The following ZNF462 variants were observed in gnomAD, a reference collection of about 807,000 sequenced individuals.
ZNF462 encodes the protein zinc finger protein 462.
ZNF462 carries 10 observed loss-of-function variants against 201.9 expected under a neutral mutation model. The ratio of observed to expected loss-of-function variants is 0.05; its 90% CI spans 0.03 to 0.08. ZNF462 has a LOEUF of 0.08. ZNF462 is among the 10% of genes least tolerant of loss of function. ZNF462 has a pLI of 1.00. For missense variants in ZNF462, 2,523 were observed against 3,168.3 expected, an observed-to-expected ratio of 0.80 and a Z score of 4.89; for synonymous variants, 1,227 against 1,193.3, an observed-to-expected ratio of 1.03 and a Z score of -0.58.
rs1829330632 is a variant in ZNF462, at chr9:107,003,300, C to T, written c.7063C>T (p.Arg2355Cys). 1 of 1,613,186 alleles carries T rather than the reference C, an allele frequency of 6.2e-7. No homozygotes were observed. Among genetic ancestry groups the T allele is most frequent in the Non-Finnish European group, 8.5e-7 (1 of 1,179,634 alleles). Residue 2355 changes from arginine to cysteine, a missense_variant, in exon 11 of 13, where the codon CGT becomes TGT. Transcript: ENST00000277225. This position sits in a 1 kb window ranked among gnomAD's most constrained non-coding sequence, Gnocchi z 4.4. Reference sequence around the variant, plus strand: ...TTGTTTGGGCCTTTTTCAGGTAAGCCGTAACTTTGAGCTGGTTGGACGGGT... The same window carrying T: ...TTGTTTGGGCCTTTTTCAGGTAAGCTGTAACTTTGAGCTGGTTGGACGGGT... ...SHLRDEHKVS[R>C]NFELVGRVNL... is the part of the protein sequence containing the mutation.
rs562183999 is a variant in ZNF462 at position 106,938,189 on chromosome 9, A to G, written c.6236-727A>G. Among the ~76,000 whole-genome samples, 106 of 152,306 alleles carry G rather than the reference A, an allele frequency of 7.0e-4. 2 individuals are homozygous for G. Among genetic ancestry groups the G allele is most frequent in the African/African-American group, 2.4e-3 (99 of 41,570 alleles). Reference sequence around the variant, plus strand: ...AAAATTAATTTTAAAAGTAGTGCTTATTTTTACTGAGAGGCAGTCTTTATT... The same window carrying G: ...AAAATTAATTTTAAAAGTAGTGCTTGTTTTTACTGAGAGGCAGTCTTTATT... On this transcript the variant is annotated intron_variant, in intron 6 of 12. Coordinates refer to ENST00000277225, the MANE Select transcript of ZNF462 (RefSeq NM_021224.6). The surrounding 1 kb of genome is among the most constrained non-coding windows in gnomAD (Gnocchi z 4.4).
rs1827114741 is a variant in ZNF462, at chr9:106,977,650, A to G, written c.6832+3377A>G. Reference sequence around the variant, plus strand: ...CAAAATGGGGAACATAAGACCCAGCACCCACTCTCCTCAGAGATGAGCATG... The same window carrying G: ...CAAAATGGGGAACATAAGACCCAGCGCCCACTCTCCTCAGAGATGAGCATG... On this transcript the variant is annotated intron_variant, in intron 9 of 12. Transcript: ENST00000277225. The surrounding 1 kb of genome is among the most constrained non-coding windows in gnomAD (Gnocchi z 4.6). Among the ~76,000 whole-genome samples the G allele has an allele frequency of 6.6e-6, 1 of 151,428 alleles. No homozygotes were observed. The highest frequency in any genetic ancestry group is 1.5e-5 in the Non-Finnish European group (1 of 68,026).
chr9:106,865,289 T>C lies in ZNF462; in HGVS notation c.-31+1934T>C, dbSNP rs1463832403. Among the ~76,000 whole-genome samples the C allele has an allele frequency of 6.6e-6, 1 of 152,160 alleles. No individual in the cohort carries two copies. Among genetic ancestry groups the C allele is most frequent in the East Asian group, 1.9e-4 (1 of 5,184 alleles). On this transcript the variant is annotated intron_variant, in intron 1 of 12. Transcript: ENST00000277225. The surrounding 1 kb of genome is among the most constrained non-coding windows in gnomAD (Gnocchi z 4.1). ...GGCAAAAACCTTAAAACAGTTCCAC[T>C]GAGGTCTTCACACAACTTTAAGCTG...
In ZNF462 at chr9:106,890,164, G is replaced by A. The variant is rs181053203; in HGVS notation, c.-31+26809G>A. Among the ~76,000 whole-genome samples, 78 of 152,282 alleles carry A rather than the reference G, an allele frequency of 5.1e-4. 1 individual carries two copies. The Middle Eastern group carries it at 0.017, about 33-fold the overall frequency. ...GCCTAAAAGTTTGTAAAATCTAGTG[G>A]TGGCATTTAGCTCTTTTGGCAATAA... On this transcript the variant is annotated intron_variant, in intron 1 of 12. Coordinates refer to ENST00000277225, the MANE Select transcript of ZNF462 (RefSeq NM_021224.6). The surrounding 1 kb of genome is among the most constrained non-coding windows in gnomAD (Gnocchi z 4.2).
At position 106,923,191 on chromosome 9, in the gene ZNF462, T is replaced by C. The variant is rs1830054590; in HGVS notation, c.-30-163T>C. On this transcript the variant is annotated intron_variant, in intron 1 of 12. Coordinates refer to ENST00000277225, the MANE Select transcript of ZNF462 (RefSeq NM_021224.6). This position sits in a 1 kb window ranked among gnomAD's most constrained non-coding sequence, Gnocchi z 5.6. ...GAGGTCAAGGACATCATCTCCATTA[T>C]GTCTGATTGCCTCTCTTTAGCCAAT... 6.6e-6 allele frequency among the ~76,000 whole-genome samples: 1 copy of C among 152,258 alleles called. No individual in the cohort carries two copies. Among genetic ancestry groups the C allele is most frequent in the Non-Finnish European group, 1.5e-5 (1 of 68,046 alleles).
intron 10 of ZNF462, among the ~76,000 whole-genome samples, chr9:106,986,541 G>A (rs1827843297): frequency 6.6e-6 from 1 of 152,050 alleles, no homozygotes; most frequent in Non-Finnish European, 1.5e-5. Context: ...TATCATAATG[G>A]CAGCTGTGTT....
rs955154844 is a variant in ZNF462 at position 106,932,678 on chromosome 9, C to T, written c.6116+129C>T. ...TGGTTCACACCTGCTGCTATGTTAC[C>T]TGGAGCCTCAGTCACCTTTTCTGTA... On this transcript the variant is annotated intron_variant, in intron 5 of 12. Coordinates refer to ENST00000277225, the MANE Select transcript of ZNF462 (RefSeq NM_021224.6). This position sits in a 1 kb window ranked among gnomAD's most constrained non-coding sequence, Gnocchi z 6.8. The T allele has an allele frequency of 3.9e-5, 46 of 1,191,516 alleles. No individual in the cohort carries two copies. Among genetic ancestry groups the T allele is most frequent in the Non-Finnish European group, 5.3e-5 (45 of 845,202 alleles). 73.8% of individuals were successfully genotyped at this position (1,191,516 alleles called of 1,614,324 possible). A position where few individuals can be genotyped will look rare whatever the true frequency, so the allele number is the denominator to read the frequency against.
Position 106,902,101 on chromosome 9 carries a change from T to A in ZNF462, c.-30-21253T>A, listed in dbSNP as rs1254553414. On this transcript the variant is annotated intron_variant, in intron 1 of 12. Coordinates refer to ENST00000277225, the MANE Select transcript of ZNF462 (RefSeq NM_021224.6). The surrounding 1 kb of genome is among the most constrained non-coding windows in gnomAD (Gnocchi z 4.2). ...ACATTAAGGTATGTCTCTCGTATGC[T>A]GATTTTGCCAAGCGTTTTAATCATA... 6.6e-6 allele frequency among the ~76,000 whole-genome samples: 1 copy of A among 152,002 alleles called. No individual in the cohort carries two copies. The highest frequency in any genetic ancestry group is 6.6e-5 in the Admixed American group (1 of 15,252).
At position 106,928,644 on chromosome 9, in the gene ZNF462, C is replaced by A; in HGVS notation, c.4732C>A (p.Arg1578=). 1 of 1,614,140 alleles carries A rather than the reference C, an allele frequency of 6.2e-7. No homozygotes were observed. The highest frequency in any genetic ancestry group is 8.5e-7 in the Non-Finnish European group (1 of 1,180,038). Residue 1578 remains arginine (R), a synonymous_variant, in exon 3 of 13, where the codon CGG becomes AGG. Transcript: ENST00000277225. This position sits in a 1 kb window ranked among gnomAD's most constrained non-coding sequence, Gnocchi z 9.3. ...RIFKQGYGAY[R]CKLCPYTHGT... ...CTTCAAGCAAGGGTATGGCGCCTACCGGTGCAAACTGTGTCCGTACACACA... is the reference window on the plus strand; with the variant it reads ...CTTCAAGCAAGGGTATGGCGCCTACAGGTGCAAACTGTGTCCGTACACACA...
rs1287356252 is a variant in ZNF462 at position 106,970,579 on chromosome 9, CT to C, written c.6428-1423del. 6.6e-6 allele frequency among the ~76,000 whole-genome samples: 1 copy of C among 152,176 alleles called. No individual in the cohort carries two copies. The highest frequency in any genetic ancestry group is 1.5e-5 in the Non-Finnish European group (1 of 68,042). On this transcript the variant is annotated intron_variant, in intron 7 of 12. Coordinates refer to ENST00000277225, the MANE Select transcript of ZNF462 (RefSeq NM_021224.6). The surrounding 1 kb of genome is among the most constrained non-coding windows in gnomAD (Gnocchi z 4.2). Reference sequence around the variant, plus strand: ...AGGAGGCTTGTACAGTTTCTATCCCCTTTCCCCCCTGCTTTTTGAAAGGCTT... The same window carrying C: ...AGGAGGCTTGTACAGTTTCTATCCCCTTCCCCCCTGCTTTTTGAAAGGCTT...
rs1353294710 is a variant in ZNF462, at chr9:106,972,377, C to T, written c.6695+105C>T. 6.8e-7 allele frequency: 1 copy of T among 1,474,258 alleles called. No individual in the cohort carries two copies. Among genetic ancestry groups the T allele is most frequent in the East Asian group, 2.3e-5 (1 of 43,700 alleles). 91.3% of individuals were successfully genotyped at this position (1,474,258 alleles called of 1,614,324 possible). On this transcript the variant is annotated intron_variant, in intron 8 of 12. Coordinates refer to ENST00000277225, the MANE Select transcript of ZNF462 (RefSeq NM_021224.6). The surrounding 1 kb of genome is among the most constrained non-coding windows in gnomAD (Gnocchi z 4.8). ...TTCCTACTTGGAGCTTATGGGAGGC[C>T]CTGCCCATGTGATGATGTAGGGGTT...
rs1309436872 is a variant in ZNF462, at chr9:106,919,191, T to G, written c.-30-4163T>G. On this transcript the variant is annotated intron_variant, in intron 1 of 12. Transcript: ENST00000277225. This position sits in a 1 kb window ranked among gnomAD's most constrained non-coding sequence, Gnocchi z 4.5. ...GATTTTGACTTGAGGACCACATTTA[T>G]GCTCCTGGGCCCTCAAACTAAAGAG... is the stretch of plus-strand genomic sequence containing the variant. Among the ~76,000 whole-genome samples, 9 of 152,244 alleles carry G rather than the reference T, an allele frequency of 5.9e-5. No homozygotes were observed.
In ZNF462 at chr9:107,011,291, T is replaced by C. The variant is rs998598195; in HGVS notation, c.*261T>C. Reference sequence around the variant, plus strand: ...TCTTCATCATGGAAGTTTCATTTGTTGCGGAATATGGAAGCACCTCCCAAT... The same window carrying C: ...TCTTCATCATGGAAGTTTCATTTGTCGCGGAATATGGAAGCACCTCCCAAT... On this transcript the variant is annotated 3_prime_UTR_variant, in exon 13 of 13. Transcript: ENST00000277225. The surrounding 1 kb of genome is among the most constrained non-coding windows in gnomAD (Gnocchi z 5.6). 3.7e-5 allele frequency: 16 copies of C among 428,552 alleles called. No individual in the cohort carries two copies. The highest frequency in any genetic ancestry group is 6.5e-5 in the Non-Finnish European group (15 of 232,260). 26.5% of individuals were successfully genotyped at this position (428,552 alleles called of 1,614,324 possible).
chr9:106,926,477 C>T lies in ZNF462; in HGVS notation c.2565C>T (p.Ala855=), dbSNP rs146393554. ...CKHCDFNNKS[A]RSVSTHYQRM... The stretch of plus-strand genomic sequence containing the variant: ...ACTGTGACTTTAACAACAAATCTGC[C>T]CGGAGTGTTAGCACCCACTACCAAC... Residue 855 remains alanine, a synonymous_variant, in exon 3 of 13, where the codon GCC becomes GCT. Transcript: ENST00000277225. The surrounding 1 kb of genome is among the most constrained non-coding windows in gnomAD (Gnocchi z 7.9). The T allele has an allele frequency of 3.1e-6, 5 of 1,613,982 alleles. No individual in the cohort carries two copies. The African/African-American group carries it at 6.7e-5, about 22-fold the overall frequency.
chr9:106,972,354 C>G lies in ZNF462; in HGVS notation c.6695+82C>G. 6.5e-7 allele frequency: 1 copy of G among 1,536,972 alleles called. No individual in the cohort carries two copies. Among genetic ancestry groups the G allele is most frequent in the Admixed American group, 2.0e-5 (1 of 50,922 alleles). ...TCACTGCAGGCTTCCCTTACACTTT[C>G]CTACTTGGAGCTTATGGGAGGCCCT... On this transcript the variant is annotated intron_variant, in intron 8 of 12. Transcript: ENST00000277225. This position sits in a 1 kb window ranked among gnomAD's most constrained non-coding sequence, Gnocchi z 4.8.
rs776868481 is a variant in ZNF462 at position 106,928,475 on chromosome 9, A to C, written c.4563A>C (p.Pro1521=). Residue 1521 remains proline, a synonymous_variant, in exon 3 of 13, where the codon CCA becomes CCC. Coordinates refer to ENST00000277225, the MANE Select transcript of ZNF462 (RefSeq NM_021224.6). This position sits in a 1 kb window ranked among gnomAD's most constrained non-coding sequence, Gnocchi z 9.3. ...CCGTCTACAAATGCAGGCATTGCCC[A>C]TACATCAACACCCGCATCCACGGCG... The part of the protein sequence containing the change: ...PGAVYKCRHC[P]YINTRIHGVL... 38 of 1,614,012 alleles carry C rather than the reference A, an allele frequency of 2.4e-5. No homozygotes were observed. Among genetic ancestry groups the C allele is most frequent in the South Asian group, 7.7e-5 (7 of 91,082 alleles).
chr9:106,936,137 T>C (rs1415703763), intron 6 of ZNF462, among the ~76,000 whole-genome samples: 1 of 152,220 alleles, frequency 6.6e-6, no homozygotes, highest in African/African-American at 2.4e-5. Context: ...GTCTCTATCA[T>C]ATTGTTGTTC....
At chr9:106,989,043 T>C (rs1010803624) in intron 10 of ZNF462, among the ~76,000 whole-genome samples, 10 of 152,158 alleles carry the variant, frequency 6.6e-5, no homozygotes, top group Admixed American at 4.6e-4. Flanking sequence ...TTCTCTTCTC[T>C]GATTGTTTTG....
chr9:106,879,171 C>T (rs1324479480), intron 1 of ZNF462, among the ~76,000 whole-genome samples: 1 of 152,110 alleles, frequency 6.6e-6, no homozygotes, highest in African/African-American at 2.4e-5. Context: ...AGTTCTGTTA[C>T]CACCGCTGTG....
Sources: allele counts gnomAD v4.1 joint callset (sites outside exome capture counted in the v4.1 genomes callset), GRCh38; gene constraint gnomAD v4.1.1; non-coding constraint Gnocchi (gnomAD v3.1); transcripts MANE v1.5; gene names NCBI Gene and HGNC (gene_info 2026-07-23, HGNC 2026-07-21).